The following SYT1 variants were observed in gnomAD, a reference collection of about 807,000 sequenced individuals.
SYT1 encodes synaptotagmin-1.
A neutral mutation model predicts 44.8 loss-of-function variants in SYT1; 8 were observed. That is an observed-to-expected ratio of 0.18 (90% CI 0.10 to 0.32). The LOEUF (loss-of-function observed/expected upper bound fraction) is 0.32, where lower values mean the gene tolerates loss of function less well. Among genes scored for constraint, SYT1 ranks in the 10% least tolerant of loss-of-function variants. SYT1 has a pLI of 1.00. For synonymous variants in SYT1, 154 were observed against 188.8 expected, an observed-to-expected ratio of 0.82 and a Z score of 1.51; for missense variants, 286 against 509.3, an observed-to-expected ratio of 0.56 and a Z score of 4.22.
chr12:78,981,294 A>G (rs993002865), intron 2 of SYT1, among the ~76,000 whole-genome samples: 4 of 151,684 alleles, frequency 2.6e-5, no homozygotes, highest in African/African-American at 4.8e-5. Context: ...CACCCAGCTA[A>G]TTTTGTACTT....
intron 3 of SYT1, among the ~76,000 whole-genome samples, chr12:79,181,649 G>C (rs985098098): frequency 3.3e-5 from 5 of 151,968 alleles, no homozygotes; most frequent in Admixed American, 2.6e-4. Flanking sequence ...TGGCAGACCA[G>C]GTCATGTGAC....
intron 1 of SYT1, chr12:78,960,263 C>T (rs371975548): frequency 6.6e-6 from 1 of 152,058 alleles, no homozygotes; most frequent in South Asian, 2.1e-4. Flanking sequence ...CAAGTAATAA[C>T]TTGAATTTCA....
intron 1 of SYT1, among the ~76,000 whole-genome samples, chr12:78,906,342 T>A (rs1384170931): frequency 6.6e-6 from 1 of 152,134 alleles, no homozygotes; most frequent in Non-Finnish European, 1.5e-5. Context: ...TTCATTCAAG[T>A]ATTTAACAAA....
At chr12:78,929,344 A>G (rs781621267) in intron 1 of SYT1, among the ~76,000 whole-genome samples, 4 of 136,718 alleles carry the variant, frequency 2.9e-5, no homozygotes, top group South Asian at 2.5e-4. Context: ...AGAGGTTTCA[A>G]TGAGTGGAGA....
chr12:78,941,135 C>T (rs1029589182), intron 1 of SYT1, among the ~76,000 whole-genome samples: 2 of 141,642 alleles, frequency 1.4e-5, no homozygotes, highest in African/African-American at 5.2e-5. Context: ...CACAGTGGCG[C>T]CATCTCCTCT....
chr12:79,288,821 G>C (rs1334330328), intron 5 of SYT1, among the ~76,000 whole-genome samples: 1 of 152,086 alleles, frequency 6.6e-6, no homozygotes, highest in Non-Finnish European at 1.5e-5. Context: ...TCTCATGACT[G>C]TTCTGGACTG....
intron 3 of SYT1, among the ~76,000 whole-genome samples, chr12:79,168,814 C>A (rs1343084477): frequency 6.6e-6 from 1 of 151,960 alleles, no homozygotes; most frequent in East Asian, 1.9e-4. Context: ...CCTTAATTAG[C>A]AGATAACATT....
intron 8 of SYT1, among the ~76,000 whole-genome samples, chr12:79,330,054 A>G (rs1881787703): frequency 6.6e-6 from 1 of 152,202 alleles, no homozygotes. Context: ...GCACTGTAAT[A>G]CATCTCCTCT....
At chr12:79,083,279 C>A (rs1400844333) in intron 3 of SYT1, among the ~76,000 whole-genome samples, 1 of 152,102 alleles carries the variant, frequency 6.6e-6, no homozygotes, top group East Asian at 1.9e-4. Flanking sequence ...AAAGATAAGA[C>A]TTATATACAT....
At chr12:79,079,898 A>G (rs1171413076) in intron 3 of SYT1, among the ~76,000 whole-genome samples, 1 of 152,100 alleles carries the variant, frequency 6.6e-6, no homozygotes, top group East Asian at 1.9e-4. Context: ...CAAGGATAAT[A>G]CTTTAAAAAT....
chr12:79,015,592 A>G (rs1280085271), intron 2 of SYT1, among the ~76,000 whole-genome samples: 3 of 152,212 alleles, frequency 2.0e-5, no homozygotes, highest in African/African-American at 7.2e-5. Context: ...TCATATAAAA[A>G]AGATATGCAG....
Position 79,179,237 on chromosome 12 carries a change from T to TATATAGATATAGATATATAG in SYT1, c.-17-38249_-17-38248insTAGATATAGATATAGATATA, listed in dbSNP as rs1565841652. On this transcript the variant is annotated intron_variant, in intron 3 of 10. Transcript: ENST00000261205. ...ATAGATATATAGATATAGATATAGA[T>TATATAGATATAGATATATAG]ATATAGATATAGATATAGATATAGA... Among the ~76,000 whole-genome samples the TATATAGATATAGATATATAG allele has an allele frequency of 1.2e-3, 76 of 65,786 alleles. 5 individuals carry two copies. Among genetic ancestry groups the TATATAGATATAGATATATAG allele is most frequent in the Middle Eastern group, 0.017 (1 of 60 alleles). 43.2% of individuals were successfully genotyped at this position (65,786 alleles called of 152,430 possible). A position where few individuals can be genotyped will look rare whatever the true frequency, so the allele number is the denominator to read the frequency against.
intron 8 of SYT1, among the ~76,000 whole-genome samples, chr12:79,349,825 C>A (rs925134304): frequency 2.6e-5 from 4 of 152,012 alleles, no homozygotes; most frequent in African/African-American, 9.7e-5. Flanking sequence ...ACTATGCAGC[C>A]ATCTTTCTTC....
intron 1 of SYT1, among the ~76,000 whole-genome samples, chr12:78,880,955 A>G (rs1874421212): frequency 6.6e-6 from 1 of 151,552 alleles, no homozygotes; most frequent in South Asian, 2.1e-4. Flanking sequence ...ATCTCACACT[A>G]ATTATTGTAA....
chr12:78,905,140 A>G (rs1291522732), intron 1 of SYT1, among the ~76,000 whole-genome samples: 3 of 152,158 alleles, frequency 2.0e-5, no homozygotes, highest in African/African-American at 7.2e-5. Flanking sequence ...TAATCTTGAG[A>G]AATGTCTTCC....
rs192791869 is a variant in SYT1, at chr12:79,239,729, C to T, written c.166+22044C>T. 4.6e-5 allele frequency among the ~76,000 whole-genome samples: 7 copies of T among 152,280 alleles called. No homozygotes were observed. In the East Asian group the frequency reaches 7.7e-4, roughly 17 times the overall value. On this transcript the variant is annotated intron_variant, in intron 4 of 10. Transcript: ENST00000261205. ...TAACAGGGTCCTCTGCTCGGTGTCT[C>T]GCAAGGCTGCCATCAAAATGTCAAC... is the stretch of plus-strand genomic sequence containing the variant.
rs539855605 is a variant in SYT1, at chr12:78,971,319, A to C, written c.-216-6480A>C. On this transcript the variant is annotated intron_variant, in intron 1 of 10. Transcript: ENST00000261205. ...AATAAAATTTGAAAAATAAATTTACAAAAGATAAAAGAAATACATTCATCT... is the reference window on the plus strand; with the variant it reads ...AATAAAATTTGAAAAATAAATTTACCAAAGATAAAAGAAATACATTCATCT... Among the ~76,000 whole-genome samples the C allele has an allele frequency of 2.6e-5, 4 of 152,346 alleles. No individual in the cohort carries two copies. In the East Asian group the frequency reaches 7.7e-4, roughly 29 times the overall value.
chr12:79,088,746 G>A (rs1450171730), intron 3 of SYT1, among the ~76,000 whole-genome samples: 19 of 116,044 alleles, frequency 1.6e-4, no homozygotes, highest in African/African-American at 6.8e-4. Context: ...GCCTGTGTGT[G>A]TGTGTGTGTG....
At chr12:79,327,375 G>A (rs1229118808) in intron 8 of SYT1, among the ~76,000 whole-genome samples, 1 of 152,140 alleles carries the variant, frequency 6.6e-6, no homozygotes, top group Admixed American at 6.6e-5. Flanking sequence ...GGAATTCCCT[G>A]AAAGCTATAG....
Sources: allele counts gnomAD v4.1 joint callset (sites outside exome capture counted in the v4.1 genomes callset), GRCh38; gene constraint gnomAD v4.1.1; transcripts MANE v1.5; gene names NCBI Gene and HGNC (gene_info 2026-07-23, HGNC 2026-07-21).